Variants in ANXA2 observed in about 807,000 individuals in gnomAD.
The protein encoded by ANXA2 is annexin II.
Under a neutral mutation model 47.3 loss-of-function variants are expected in ANXA2, and 28 were observed. That is an observed-to-expected ratio of 0.59 (90% CI 0.44 to 0.81). The LOEUF (loss-of-function observed/expected upper bound fraction) is 0.81, where lower values mean the gene tolerates loss of function less well. ANXA2 is among the 40% of genes least tolerant of loss of function. The pLI is 0.00. For missense variants in ANXA2, 384 were observed against 414.3 expected (o/e 0.93, Z 0.64); for synonymous variants, 172 against 155.5 (o/e 1.11, Z -0.79).
chr15:60,393,193 C>A, intron 1 of ANXA2: 1 of 1,195,128 alleles, frequency 8.4e-7, no homozygotes, highest in Non-Finnish European at 1.1e-6. Context: ...CAGCTTGTCT[C>A]TTCTGTGGCC....
chr15:60,392,444 T>C (rs1234496348), intron 1 of ANXA2, among the ~76,000 whole-genome samples: 2 of 152,008 alleles, frequency 1.3e-5, no homozygotes, highest in Non-Finnish European at 2.9e-5. Flanking sequence ...TTGTATTCTA[T>C]TGCTTCACTA....
At chr15:60,390,222 G>GT in intron 1 of ANXA2, 1 of 990,630 alleles carries the variant, frequency 1.0e-6, no homozygotes, top group Non-Finnish European at 1.2e-6. Context: ...CCACAAAGCA[G>GT]TATCTATGAA....
chr15:60,376,382 A>G (rs75708372), intron 3 of ANXA2, among the ~76,000 whole-genome samples: 1 of 148,546 alleles, frequency 6.7e-6, no homozygotes, highest in East Asian at 1.9e-4. Flanking sequence ...CTCTGTCTCA[A>G]AAAAAAAAAA....
chr15:60,357,666 G>C (rs563589746), intron 5 of ANXA2, among the ~76,000 whole-genome samples: 1 of 152,014 alleles, frequency 6.6e-6, no homozygotes, highest in East Asian at 1.9e-4. Flanking sequence ...GGTAGCGGGC[G>C]CCTGTAGTCC....
At chr15:60,363,179 AACT>A (rs1332813181) in intron 4 of ANXA2, among the ~76,000 whole-genome samples, 1 of 152,108 alleles carries the variant, frequency 6.6e-6, no homozygotes. Flanking sequence ...CTCCACTGGG[AACT>A]TGGCTCTACC....
At chr15:60,390,389 AC>A in intron 1 of ANXA2, 1 of 646,900 alleles carries the variant, frequency 1.5e-6, no homozygotes, top group Non-Finnish European at 2.5e-6. Flanking sequence ...CATTCCTAAA[AC>A]CCACTGGGCT....
At chr15:60,373,001 C>T (rs1825801808) in intron 3 of ANXA2, among the ~76,000 whole-genome samples, 1 of 152,210 alleles carries the variant, frequency 6.6e-6, no homozygotes, top group South Asian at 2.1e-4. Context: ...CACTTACCAA[C>T]ATCCAGTATC....
intron 5 of ANXA2, among the ~76,000 whole-genome samples, chr15:60,359,138 G>A (rs1033990738): frequency 6.6e-6 from 1 of 152,096 alleles, no homozygotes; most frequent in Non-Finnish European, 1.5e-5. Context: ...TTTTGGACGG[G>A]TATTCAACTG....
chr15:60,351,088 G>C, intron 11 of ANXA2, 105 bp downstream of exon 11: 1 of 1,163,064 alleles, frequency 8.6e-7, no homozygotes, highest in South Asian at 1.3e-5. Context: ...CATCCACACA[G>C]TGGGGTCCCC....
intron 3 of ANXA2, among the ~76,000 whole-genome samples, chr15:60,367,283 C>CTCT (rs1317370456): frequency 7.7e-6 from 1 of 129,686 alleles, no homozygotes; most frequent in Admixed American, 7.3e-5. Context: ...ATCAGCCCCC[C>CTCT]GCCCGGCCAG....
At chr15:60,375,532 C>A (rs79334919) in intron 3 of ANXA2, among the ~76,000 whole-genome samples, 1 of 152,162 alleles carries the variant, frequency 6.6e-6, no homozygotes, top group South Asian at 2.1e-4. Flanking sequence ...ATATATTTAA[C>A]CCAAGGCCAA....
chr15:60,353,799 G>C lies in ANXA2; in HGVS notation c.588+355C>G, dbSNP rs555076110. 2.6e-5 allele frequency among the ~76,000 whole-genome samples: 4 copies of C among 152,284 alleles called. No homozygotes were observed. The East Asian group carries it at 5.8e-4, about 22-fold the overall frequency. Reference sequence around the variant, plus strand: ...TGGGGAAAGCCGGCTGCCATGTTGTGAGGACGCTCAAACAACCCCATGGAG... The same window carrying C: ...TGGGGAAAGCCGGCTGCCATGTTGTCAGGACGCTCAAACAACCCCATGGAG... On this transcript the variant is annotated intron_variant, in intron 8 of 12. Transcript: ENST00000451270.
At chr15:60,364,662 TTCTATC>T in intron 3 of ANXA2, 139 bp from the exon 4 acceptor site, 2 of 605,006 alleles carry the variant, frequency 3.3e-6, no homozygotes, top group Non-Finnish European at 5.7e-6. Flanking sequence ...CCAAGATTTG[TTCTATC>T]TCTTTCGTCA....
At chr15:60,366,743 C>T (rs1426180155) in intron 3 of ANXA2, among the ~76,000 whole-genome samples, 2 of 135,944 alleles carry the variant, frequency 1.5e-5, no homozygotes, top group Non-Finnish European at 3.3e-5. Context: ...TGCCCGGCCG[C>T]CCCTACTGGG....
Position 60,347,617 on chromosome 15 carries a change from G to T in ANXA2, c.*13C>A. On this transcript the variant is annotated 3_prime_UTR_variant, in exon 13 of 13. Transcript: ENST00000451270. ...GTGAGCACCATTTCTGGACGCTCAG[G>T]CCGTGTCGGGCTTCAGTCATCTCCA... The T allele has an allele frequency of 6.2e-7, 1 of 1,613,974 alleles. No individual in the cohort carries two copies. Among genetic ancestry groups the T allele is most frequent in the Non-Finnish European group, 8.5e-7 (1 of 1,179,882 alleles).
At chr15:60,361,348 G>T in intron 4 of ANXA2, 1 of 362,994 alleles carries the variant, frequency 2.8e-6, no homozygotes, top group Non-Finnish European at 5.2e-6. Flanking sequence ...CTGTGAGAGT[G>T]CAGGCACTTT....
chr15:60,358,174 A>G (rs2062461402), intron 5 of ANXA2, among the ~76,000 whole-genome samples: 1 of 152,234 alleles, frequency 6.6e-6, no homozygotes, highest in Non-Finnish European at 1.5e-5. Context: ...CAGGCACTTT[A>G]GGGAAGCAAA....
At chr15:60,349,345 T>G in intron 11 of ANXA2, 148 bp from the exon 12 acceptor site, 1 of 772,672 alleles carries the variant, frequency 1.3e-6, no homozygotes, top group Non-Finnish European at 2.1e-6. Flanking sequence ...GATGCCACAA[T>G]GAAAAATTCC....
chr15:60,363,511 C>T (rs1394247348), intron 4 of ANXA2, among the ~76,000 whole-genome samples: 1 of 152,138 alleles, frequency 6.6e-6, no homozygotes, highest in South Asian at 2.1e-4. Flanking sequence ...CTGCAGGAAG[C>T]CACACTTACT....
Sources: allele counts gnomAD v4.1 joint callset (sites outside exome capture counted in the v4.1 genomes callset), GRCh38; gene constraint gnomAD v4.1.1; transcripts MANE v1.5; gene names NCBI Gene and HGNC (gene_info 2026-07-23, HGNC 2026-07-21).